Variants in MGMT observed in about 807,000 individuals in gnomAD.
MGMT encodes the protein methylated-DNA--protein-cysteine methyltransferase.
A neutral mutation model predicts 15.9 loss-of-function variants in MGMT; 14 were observed. That is an observed-to-expected ratio of 0.88 (90% confidence interval 0.58 to 1.37). The LOEUF (loss-of-function observed/expected upper bound fraction) is 1.37, where lower values mean the gene tolerates loss of function less well. Among genes scored for constraint, MGMT ranks in the 40% most tolerant of loss-of-function variants. The probability of loss-of-function intolerance (pLI) is 0.00; values close to 1 mark genes in which losing one functional copy is unlikely to be tolerated. For synonymous variants in MGMT, 130 were observed against 118.2 expected, an observed-to-expected ratio of 1.10 and a Z score of -0.65; for missense variants, 282 against 268.1, an observed-to-expected ratio of 1.05 and a Z score of -0.36.
chr10:129,591,127 G>A lies in MGMT; in HGVS notation c.125+54750G>A, dbSNP rs1050027554. 6.2e-4 allele frequency among the ~76,000 whole-genome samples: 94 copies of A among 152,196 alleles called. 3 individuals carry two copies. Among genetic ancestry groups the A allele is most frequent in the Non-Finnish European group, 2.4e-4 (16 of 68,030 alleles). On this transcript the variant is annotated intron_variant, in intron 2 of 4. Transcript: ENST00000651593. Reference sequence around the variant, plus strand: ...CTGGGGGCGCAGCGTGGTCAGGCTTGAGGGTGGTGACAGTGCCCCCAGGAG... The same window carrying A: ...CTGGGGGCGCAGCGTGGTCAGGCTTAAGGGTGGTGACAGTGCCCCCAGGAG...
chr10:129,645,313 G>A (rs1243296050), intron 2 of MGMT, among the ~76,000 whole-genome samples: 2 of 151,972 alleles, frequency 1.3e-5, no homozygotes, highest in Non-Finnish European at 2.9e-5. Flanking sequence ...GTAGAGATGA[G>A]GTTTTACCAT....
rs1303003994 is a variant in MGMT at position 129,532,965 on chromosome 10, C to T, written c.-12-3276C>T. Reference sequence around the variant, plus strand: ...CAGGCCGTCCCTTCCTGCAGCTGCTCGGACACTGGCACATGTTGGCAGGCG... The same window carrying T: ...CAGGCCGTCCCTTCCTGCAGCTGCTTGGACACTGGCACATGTTGGCAGGCG... On this transcript the variant is annotated intron_variant, in intron 1 of 4. Transcript: ENST00000651593. The surrounding 1 kb of genome is among the most constrained non-coding windows in gnomAD (Gnocchi z 5.3). Among the ~76,000 whole-genome samples the T allele has an allele frequency of 3.9e-5, 6 of 152,202 alleles. No homozygotes were observed. Among genetic ancestry groups the T allele is most frequent in the South Asian group, 4.1e-4 (2 of 4,828 alleles).
intron 1 of MGMT, among the ~76,000 whole-genome samples, chr10:129,481,256 G>T (rs1845355304): frequency 6.6e-6 from 1 of 152,180 alleles, no homozygotes; most frequent in Non-Finnish European, 1.5e-5. Flanking sequence ...GAATATGGTG[G>T]ATAACTCTCA....
intron 2 of MGMT, among the ~76,000 whole-genome samples, chr10:129,540,219 T>A (rs1846029094): frequency 6.6e-6 from 1 of 152,244 alleles, no homozygotes; most frequent in Non-Finnish European, 1.5e-5. Context: ...ACAACTGACT[T>A]GTATGTTGAT....
In MGMT at chr10:129,768,351, C is replaced by G. The variant is rs564682587; in HGVS notation, c.*1354C>G. The stretch of plus-strand genomic sequence containing the variant: ...TGACTCTTACCCCGTTGTCTTAACT[C>G]TTGGTATTTTTGAAGCAGGATAAGT... On this transcript the variant is annotated 3_prime_UTR_variant, in exon 5 of 5. Transcript: ENST00000651593. Among the ~76,000 whole-genome samples, 2 of 152,358 alleles carry G rather than the reference C, an allele frequency of 1.3e-5. No individual in the cohort carries two copies. Among genetic ancestry groups the G allele is most frequent in the African/African-American group, 4.8e-5 (2 of 41,582 alleles).
At chr10:129,762,663 C>T (rs138347787) in intron 4 of MGMT, among the ~76,000 whole-genome samples, 182 of 152,266 alleles carry the variant, frequency 1.2e-3, no homozygotes, top group Non-Finnish European at 1.7e-3. Flanking sequence ...CAAAGGCAAT[C>T]GATACATTGC....
intron 2 of MGMT, among the ~76,000 whole-genome samples, chr10:129,616,048 G>T (rs1380000115): frequency 1.3e-5 from 2 of 152,130 alleles, no homozygotes; most frequent in African/African-American, 4.8e-5. Flanking sequence ...CAACATGAAG[G>T]GCAGACTGTG....
intron 1 of MGMT, among the ~76,000 whole-genome samples, chr10:129,529,199 T>C (rs1845903759): frequency 1.3e-5 from 2 of 149,582 alleles, no homozygotes; most frequent in African/African-American, 2.5e-5. Context: ...GTGGGTGCGA[T>C]GGGGTCATGG....
intron 2 of MGMT, chr10:129,537,016 C>T (rs1460838714): frequency 6.6e-6 from 1 of 152,150 alleles, no homozygotes; most frequent in Non-Finnish European, 1.5e-5. Flanking sequence ...GAACAGCTCC[C>T]ACTATATTTC....
intron 2 of MGMT, among the ~76,000 whole-genome samples, chr10:129,647,115 C>T (rs117272437): frequency 0.014 from 2,093 of 152,248 alleles, 16 homozygotes; most frequent in Non-Finnish European, 0.023. Context: ...GTAGCCCCCA[C>T]GCCAAGTCCC....
At chr10:129,500,237 C>T (rs1188379478) in intron 1 of MGMT, among the ~76,000 whole-genome samples, 1 of 152,170 alleles carries the variant, frequency 6.6e-6, no homozygotes, top group East Asian at 1.9e-4. Flanking sequence ...TTGGGCACCG[C>T]CTGGTTTCCT....
intron 2 of MGMT, among the ~76,000 whole-genome samples, chr10:129,703,526 G>A (rs547515857): frequency 1.8e-4 from 28 of 152,284 alleles, no homozygotes; most frequent in Non-Finnish European, 1.0e-4. Flanking sequence ...GGGGTGTGAT[G>A]GCCAGCCAGA....
intron 2 of MGMT, among the ~76,000 whole-genome samples, chr10:129,597,289 G>A (rs75885022): frequency 1.2e-4 from 19 of 152,214 alleles, no homozygotes; most frequent in Non-Finnish European, 1.9e-4. Flanking sequence ...TCAACCTCGC[G>A]TGAAATTGCA....
chr10:129,488,970 A>C (rs1845440345), intron 1 of MGMT, among the ~76,000 whole-genome samples: 1 of 152,216 alleles, frequency 6.6e-6, no homozygotes, highest in African/African-American at 2.4e-5. Context: ...AAGTGGACGC[A>C]TGCCTTTTTC....
At chr10:129,754,306 C>T (rs1848781523) in intron 3 of MGMT, among the ~76,000 whole-genome samples, 1 of 152,176 alleles carries the variant, frequency 6.6e-6, no homozygotes. Flanking sequence ...CCCCACTCCG[C>T]TAAACTCTTC....
chr10:129,551,513 G>A (rs2119789469), intron 2 of MGMT, among the ~76,000 whole-genome samples: 1 of 152,252 alleles, frequency 6.6e-6, no homozygotes, highest in African/African-American at 2.4e-5. Context: ...CATGCTTGCA[G>A]CTGCCCCCGG....
intron 2 of MGMT, among the ~76,000 whole-genome samples, chr10:129,577,818 A>G (rs111271323): frequency 4.9e-4 from 69 of 140,494 alleles, no homozygotes; most frequent in African/African-American, 1.6e-3. Context: ...AGAATCTACA[A>G]TGAATTCAAA....
At chr10:129,633,076 A>G (rs967852276) in intron 2 of MGMT, among the ~76,000 whole-genome samples, 5 of 152,322 alleles carry the variant, frequency 3.3e-5, no homozygotes, top group Admixed American at 2.6e-4. Context: ...ATGTTTTTGT[A>G]TGATGCTGCT....
Position 129,510,406 on chromosome 10 carries a change from G to C in MGMT, c.-12-25835G>C, listed in dbSNP as rs1420973758. 2.6e-5 allele frequency among the ~76,000 whole-genome samples: 4 copies of C among 152,170 alleles called. No individual in the cohort carries two copies. In the South Asian group the frequency reaches 6.2e-4, roughly 24 times the overall value. On this transcript the variant is annotated intron_variant, in intron 1 of 4. Coordinates refer to ENST00000651593, the MANE Select transcript of MGMT (RefSeq NM_002412.5). Reference sequence around the variant, plus strand: ...GTGGGAGCACGTTGAGGGCCTGCGGGTGCCCTTGAGGAAGGGTTTTGGTGG... The same window carrying C: ...GTGGGAGCACGTTGAGGGCCTGCGGCTGCCCTTGAGGAAGGGTTTTGGTGG...
Sources: allele counts gnomAD v4.1 joint callset (sites outside exome capture counted in the v4.1 genomes callset), GRCh38; gene constraint gnomAD v4.1.1; non-coding constraint Gnocchi (gnomAD v3.1); transcripts MANE v1.5; gene names NCBI Gene and HGNC (gene_info 2026-07-23, HGNC 2026-07-21).